Variants in CLCN6 observed in about 807,000 individuals in gnomAD.
The protein encoded by CLCN6 is Cl-/H+ antiporter 6, also known as H(+)/Cl(-) exchange transporter 6.
Under a neutral mutation model 109.8 loss-of-function variants are expected in CLCN6, and 70 were observed. That is an observed-to-expected ratio of 0.64 (90% CI 0.53 to 0.78). The LOEUF (loss-of-function observed/expected upper bound fraction) is 0.78, where lower values mean the gene tolerates loss of function less well. Ranked by LOEUF, CLCN6 falls within the 30% of genes least tolerant of loss-of-function variation. The pLI, the probability that CLCN6 is intolerant of heterozygous loss-of-function variation, is 0.00. For synonymous variants in CLCN6, 444 were observed against 447.8 expected (o/e 0.99, Z 0.11); for missense variants, 984 against 1,142.3 (o/e 0.86, Z 2.00).
chr1:11,836,276 G>T, intron 18 of CLCN6, 123 bp downstream of exon 18: 1 of 836,924 alleles, frequency 1.2e-6, no homozygotes, highest in Admixed American at 2.9e-5. Flanking sequence ...AGTTGGCACT[G>T]TTCTCATCAC....
intron 2 of CLCN6, among the ~76,000 whole-genome samples, chr1:11,813,635 C>G (rs1460744516): frequency 6.6e-6 from 1 of 152,192 alleles, no homozygotes; most frequent in African/African-American, 2.4e-5. Context: ...AAGTGATCCA[C>G]CTATCTCGGC....
At chr1:11,820,487 CCGGA>C in intron 5 of CLCN6, 1 of 667,476 alleles carries the variant, frequency 1.5e-6, no homozygotes, top group Admixed American at 2.3e-5. Flanking sequence ...ATCAATGGGG[CCGGA>C]CACAGTGGCT....
At chr1:11,823,561 A>C in intron 6 of CLCN6, 146 bp from the exon 7 acceptor site, 3 of 959,236 alleles carry the variant, frequency 3.1e-6, no homozygotes, top group Non-Finnish European at 4.7e-6. Flanking sequence ...GGGGCCCAGC[A>C]GCTGTGGTTC....
Position 11,807,189 on chromosome 1 carries a change from A to G in CLCN6, c.146A>G (p.Glu49Gly). 1 of 1,613,964 alleles carries G rather than the reference A, an allele frequency of 6.2e-7. No homozygotes were observed. Among genetic ancestry groups the G allele is most frequent in the Non-Finnish European group, 8.5e-7 (1 of 1,179,820 alleles). The change falls in exon 2 of 23, where the codon GAG becomes GGG. Residue 49 changes from glutamate (E) to glycine (G), a missense_variant and splice_region_variant. Glu to Gly is a moderately conservative substitution (Grantham distance 98). Transcript: ENST00000346436. Reference protein sequence around the residue: ...EDEILPRKDYESLDYDRCIND... With the variant: ...EDEILPRKDYGSLDYDRCIND... ...GAGATTCTTCCAAGGAAAGACTATG[A>G]GGTGAGCTCCTTTGATACTGCTTGG...
intron 8 of CLCN6, 48 bp downstream of exon 8, chr1:11,824,601 G>A (rs1410741618): frequency 7.2e-6 from 11 of 1,537,768 alleles, no homozygotes; most frequent in Non-Finnish European, 9.8e-6. Context: ...CCTAGTGGGA[G>A]GTCTGGTTAC....
Position 11,834,080 on chromosome 1 carries a change from G to A in CLCN6, c.1526+50G>A. ...TGCGCATGTGCATGTGTGTGCACGT[G>A]TGCGTGTGTATGCATGTGTGTGCGT... On this transcript the variant is annotated intron_variant, in intron 15 of 22. Transcript: ENST00000346436. This position sits in a 1 kb window ranked among gnomAD's most constrained non-coding sequence, Gnocchi z 4.5. 1.9e-6 allele frequency: 3 copies of A among 1,604,218 alleles called. No homozygotes were observed. The highest frequency in any genetic ancestry group is 2.2e-5 in the South Asian group (2 of 90,206).
chr1:11,806,370 G>T, intron 1 of CLCN6, 21 bp downstream of exon 1: 1 of 1,498,416 alleles, frequency 6.7e-7, no homozygotes, highest in Non-Finnish European at 8.8e-7. Context: ...GGCGGAGTCG[G>T]CCTGGGGAGG....
At chr1:11,812,142 G>A (rs1644606638) in intron 2 of CLCN6, among the ~76,000 whole-genome samples, 1 of 152,142 alleles carries the variant, frequency 6.6e-6, no homozygotes, top group African/African-American at 2.4e-5. Flanking sequence ...GTTGTCACCT[G>A]CATTTCTCAG....
Position 11,828,493 on chromosome 1 carries a change from A to C in CLCN6, c.990A>C (p.Thr330=). The C allele has an allele frequency of 3.1e-6, 5 of 1,614,142 alleles. No homozygotes were observed. Among genetic ancestry groups the C allele is most frequent in the Non-Finnish European group, 4.2e-6 (5 of 1,180,038 alleles). ...SDSDKKCHLW[T]AMDLGFFVVM... ...CTGATAAAAAATGTCATCTCTGGAC[A>C]GCTATGGATTTGGGTTTCTTCGTCG... The change falls in exon 12 of 23, where the codon ACA becomes ACC. Residue 330 remains threonine, a synonymous_variant. Coordinates refer to ENST00000346436, the MANE Select transcript of CLCN6 (RefSeq NM_001286.5).
At chr1:11,826,110 G>T in intron 8 of CLCN6, 46 bp from the exon 9 acceptor site, 4 of 1,398,856 alleles carry the variant, frequency 2.9e-6, no homozygotes, top group Non-Finnish European at 4.0e-6. Context: ...GTAGTATTTG[G>T]TTATATGAGT....
rs201516541 is a variant in CLCN6, at chr1:11,821,089, A to AC, written c.346+1535_346+1536insC. On this transcript the variant is annotated intron_variant, in intron 5 of 22. Coordinates refer to ENST00000346436, the MANE Select transcript of CLCN6 (RefSeq NM_001286.5). ...AAAACTGTCTCAAAAAACAACAACA[A>AC]AAAAAAAAAACAAACAAAATCAATA... 3.0e-3 allele frequency among the ~76,000 whole-genome samples: 448 copies of AC among 147,554 alleles called. 6 individuals carry two copies. The highest frequency in any genetic ancestry group is 9.1e-3 in the African/African-American group (361 of 39,528).
intron 2 of CLCN6, among the ~76,000 whole-genome samples, chr1:11,813,429 C>T (rs1324825249): frequency 4.7e-5 from 7 of 148,654 alleles, no homozygotes; most frequent in Non-Finnish European, 8.9e-5. Flanking sequence ...CTCACTCTGT[C>T]GCCTAGGCTG....
At position 11,829,232 on chromosome 1, in the gene CLCN6, C is replaced by T. The variant is rs769384554; in HGVS notation, c.1158C>T (p.Thr386=). 19 of 1,613,996 alleles carry T rather than the reference C, an allele frequency of 1.2e-5. No individual in the cohort carries two copies. Among genetic ancestry groups the T allele is most frequent in the South Asian group, 3.3e-5 (3 of 91,078 alleles). The change falls in exon 13 of 23, where the codon ACC becomes ACT. Residue 386 remains threonine (T), a synonymous_variant. Transcript: ENST00000346436. Reference sequence around the variant, plus strand: ...GCCTCCTTGTGTCTCTGGTAACCACCGTGGTGGTGTTTGTGGCCTCGATGG... The same window carrying T: ...GCCTCCTTGTGTCTCTGGTAACCACTGTGGTGGTGTTTGTGGCCTCGATGG... ...LESLLVSLVT[T]VVVFVASMVL...
Position 11,809,326 on chromosome 1 carries a change from CCTA to C in CLCN6, c.147+2139_147+2141del, listed in dbSNP as rs542012489. Among the ~76,000 whole-genome samples the C allele has an allele frequency of 6.1e-4, 93 of 152,286 alleles. 2 individuals carry two copies. In the South Asian group the frequency reaches 0.019, roughly 32 times the overall value. ...ACTGAGACTGTCTCACAGCCTTCAT[CCTA>C]CTTCTAGGAGCTCACCAAGGCTTCC... On this transcript the variant is annotated intron_variant, in intron 2 of 22. Transcript: ENST00000346436.
At chr1:11,830,764 TACACACACACACTATATATACACAC>T (rs1421170947) in intron 13 of CLCN6, among the ~76,000 whole-genome samples, 3 of 115,610 alleles carry the variant, frequency 2.6e-5, no homozygotes, top group Admixed American at 1.6e-4. Flanking sequence ...TATATATATA[TACACACACACACTATATATACACAC>T]ACACACACAC....
chr1:11,808,181 T>C (rs994535541), intron 2 of CLCN6, among the ~76,000 whole-genome samples: 1 of 151,696 alleles, frequency 6.6e-6, no homozygotes, highest in East Asian at 1.9e-4. Flanking sequence ...CGTTATCCAC[T>C]TCTCCTTTCT....
At position 11,823,757 on chromosome 1, in the gene CLCN6, C is replaced by T. The variant is rs147832310; in HGVS notation, c.504C>T (p.Gly168=). The part of the protein sequence containing the change: ...GIPEVKCYLN[G]VKVPGIVRLR... The stretch of plus-strand genomic sequence containing the variant: ...CCGAGGTCAAATGCTATCTGAATGG[C>T]GTAAAGGTGCCAGGAATCGTCCGTC... The change falls in exon 7 of 23, where the codon GGC becomes GGT. Residue 168 remains glycine, a synonymous_variant. Transcript: ENST00000346436. 295 of 1,614,226 alleles carry T rather than the reference C, an allele frequency of 1.8e-4. No homozygotes were observed. The African/African-American group carries it at 2.3e-3, about 13-fold the overall frequency.
Position 11,828,207 on chromosome 1 carries a change from T to C in CLCN6, c.942T>C (p.Phe314=), listed in dbSNP as rs1186006669. Residue 314 remains phenylalanine, a synonymous_variant, in exon 11 of 23, where the codon TTT becomes TTC. Transcript: ENST00000346436. ...TCCAGCTCCCTGGATTGCTGAACTT[T>C]GGCGAGTTTAAGGTATGTTTTGTCC... is the stretch of plus-strand genomic sequence containing the variant. ...GSFQLPGLLN[F]GEFKCSDSDK... The C allele has an allele frequency of 2.5e-6, 4 of 1,613,700 alleles. No individual in the cohort carries two copies. The highest frequency in any genetic ancestry group is 1.1e-5 in the South Asian group (1 of 91,072).
chr1:11,808,213 ATGTGTGTGTGTGTTTG>A (rs1332776695), intron 2 of CLCN6, among the ~76,000 whole-genome samples: 4 of 123,446 alleles, frequency 3.2e-5, no homozygotes, highest in African/African-American at 1.3e-4. Context: ...TTTTTATTGT[ATGTGTGTGTGTGTTTG>A]TGTGTGTGTG....
Sources: gnomAD v4.1 joint callset for allele counts (sites outside exome capture counted in the v4.1 genomes callset) on GRCh38, gnomAD v4.1.1 for gene constraint, Gnocchi (gnomAD v3.1) non-coding constraint, MANE v1.5 for transcripts, NCBI Gene and HGNC (gene_info 2026-07-23, HGNC 2026-07-21) for gene names.